The following VPS54 variants were observed in gnomAD, a reference collection of about 807,000 sequenced individuals.
VPS54 encodes vacuolar protein sorting-associated protein 54.
Under a neutral mutation model 121.5 loss-of-function variants are expected in VPS54, and 45 were observed. The observed-to-expected ratio is 0.37, with a 90% CI of 0.29 to 0.47. The LOEUF is 0.47. VPS54 is among the 20% of genes least tolerant of loss of function. VPS54 has a pLI of 0.99. For missense variants in VPS54, 1,090 were observed against 1,131.4 expected (o/e 0.96, Z 0.52); for synonymous variants, 371 against 385.8 (o/e 0.96, Z 0.45).
chr2:63,952,200 T>C (rs1675284901), intron 7 of VPS54, among the ~76,000 whole-genome samples: 1 of 152,182 alleles, frequency 6.6e-6, no homozygotes, highest in Admixed American at 6.5e-5. Flanking sequence ...CTGAAAAATG[T>C]AAGGATGAAG....
At chr2:63,915,325 T>C (rs1270469512) in intron 16 of VPS54, among the ~76,000 whole-genome samples, 3 of 151,990 alleles carry the variant, frequency 2.0e-5, no homozygotes, top group Non-Finnish European at 4.4e-5. Flanking sequence ...TGCTCAGAAA[T>C]AAGATCTACG....
chr2:63,938,535 G>A (rs1212312477), intron 11 of VPS54, among the ~76,000 whole-genome samples: 1 of 151,482 alleles, frequency 6.6e-6, no homozygotes, highest in South Asian at 2.1e-4. Flanking sequence ...CACAATCTTG[G>A]CTCACTGCAA....
chr2:64,000,312 T>G (rs895195049), intron 1 of VPS54, among the ~76,000 whole-genome samples: 2 of 152,268 alleles, frequency 1.3e-5, no homozygotes, highest in African/African-American at 4.8e-5. Flanking sequence ...ATCTTGAATT[T>G]CTCTGAGTTT....
At chr2:63,938,960 C>G (rs1674591687) in intron 11 of VPS54, among the ~76,000 whole-genome samples, 1 of 152,092 alleles carries the variant, frequency 6.6e-6, no homozygotes, top group South Asian at 2.1e-4. Flanking sequence ...TAAAAAAATA[C>G]AAATAACAGC....
At chr2:64,018,221 G>C (rs1486890536) in intron 1 of VPS54, among the ~76,000 whole-genome samples, 1 of 152,016 alleles carries the variant, frequency 6.6e-6, no homozygotes, top group Non-Finnish European at 1.5e-5. Flanking sequence ...CCTCAATAAA[G>C]ACCAAAAAAT....
Position 63,914,171 on chromosome 2 carries a change from G to C in VPS54, c.2334+11C>G. 1 of 1,604,918 alleles carries C rather than the reference G, an allele frequency of 6.2e-7. No individual in the cohort carries two copies. The highest frequency in any genetic ancestry group is 8.5e-7 in the Non-Finnish European group (1 of 1,172,792). On this transcript the variant is annotated intron_variant, in intron 17 of 22. Transcript: ENST00000272322. ...AAAAATTTTTCCATAATGGAGTGAAGTCATACATACCTTCAATAAATCTGA... is the reference window on the plus strand; with the variant it reads ...AAAAATTTTTCCATAATGGAGTGAACTCATACATACCTTCAATAAATCTGA...
At chr2:63,931,143 T>C (rs1674178351) in intron 12 of VPS54, among the ~76,000 whole-genome samples, 3 of 152,102 alleles carry the variant, frequency 2.0e-5, no homozygotes, top group African/African-American at 7.2e-5. Flanking sequence ...CTGACTTTCT[T>C]CACAGAAATG....
intron 9 of VPS54, among the ~76,000 whole-genome samples, chr2:63,945,381 A>T (rs2104517605): frequency 6.6e-6 from 1 of 152,258 alleles, no homozygotes; most frequent in South Asian, 2.1e-4. Flanking sequence ...CACACGGTGG[A>T]GACTATTGGA....
At chr2:63,962,917 A>C (rs1675833830) in intron 6 of VPS54, among the ~76,000 whole-genome samples, 1 of 152,106 alleles carries the variant, frequency 6.6e-6, no homozygotes, top group African/African-American at 2.4e-5. Flanking sequence ...AATTTTTCTA[A>C]TTTTAACAAT....
At chr2:63,971,043 T>C (rs1575973109) in intron 4 of VPS54, among the ~76,000 whole-genome samples, 1 of 152,120 alleles carries the variant, frequency 6.6e-6, no homozygotes, top group Non-Finnish European at 1.5e-5. Flanking sequence ...TCCTCCTATA[T>C]TGCCTCTCTC....
chr2:63,945,098 CT>C (rs1674917425), intron 9 of VPS54, among the ~76,000 whole-genome samples: 2 of 152,156 alleles, frequency 1.3e-5, no homozygotes, highest in Non-Finnish European at 2.9e-5. Context: ...CTTATGTCCA[CT>C]GTAGCACTAT....
intron 20 of VPS54, among the ~76,000 whole-genome samples, chr2:63,909,725 G>GTTT (rs1553470849): frequency 8.7e-6 from 1 of 115,244 alleles, no homozygotes; most frequent in South Asian, 2.9e-4. Context: ...GCCGTTTTTG[G>GTTT]TTTTTTTTTT....
rs1349368624 is a variant in VPS54 at position 63,916,901 on chromosome 2, C to G, written c.2227G>C (p.Gly743Arg). The change falls in exon 16 of 23, where the codon GGA becomes CGA. Residue 743 changes from glycine to arginine, a missense_variant and splice_region_variant. Gly to Arg is a moderately radical substitution (Grantham distance 125). Transcript: ENST00000272322. ...ACTAAAGAAAAATGTGTCACTCACC[C>G]AACAACTGCATACTGTTGTCCCTCG... ...IVEGQQYAVV[G>R]TVLLLIRIIL... The G allele has an allele frequency of 1.9e-6, 3 of 1,613,330 alleles. No homozygotes were observed. The highest frequency in any genetic ancestry group is 2.5e-6 in the Non-Finnish European group (3 of 1,179,464).
intron 11 of VPS54, among the ~76,000 whole-genome samples, chr2:63,941,378 C>G (rs768081758): frequency 6.6e-6 from 1 of 150,540 alleles, no homozygotes; most frequent in Admixed American, 6.6e-5. Flanking sequence ...GTGTGCATCA[C>G]TATGCTTGGC....
At position 63,921,170 on chromosome 2, in the gene VPS54, C is replaced by T. The variant is rs199879552; in HGVS notation, c.1869+36G>A. 3.3e-4 allele frequency: 519 copies of T among 1,553,546 alleles called. 5 individuals are homozygous for T. In the East Asian group the frequency reaches 0.01, roughly 31 times the overall value. On this transcript the variant is annotated intron_variant, in intron 13 of 22. Transcript: ENST00000272322. Reference sequence around the variant, plus strand: ...TAATTCCAGATCTTCAAAATTATTACGTATAAAATATATAAAGCTTTATGA... The same window carrying T: ...TAATTCCAGATCTTCAAAATTATTATGTATAAAATATATAAAGCTTTATGA...
chr2:63,899,807 G>C (rs1357725475), intron 20 of VPS54, among the ~76,000 whole-genome samples: 1 of 152,156 alleles, frequency 6.6e-6, no homozygotes, highest in Non-Finnish European at 1.5e-5. Flanking sequence ...CAGTGACTAA[G>C]AACAAAGCCT....
At chr2:63,938,950 T>C (rs1559006612) in intron 11 of VPS54, among the ~76,000 whole-genome samples, 1 of 152,112 alleles carries the variant, frequency 6.6e-6, no homozygotes, top group South Asian at 2.1e-4. Flanking sequence ...AAATACACAC[T>C]AAAAAAATAC....
At chr2:64,017,937 C>T (rs551944848) in intron 1 of VPS54, among the ~76,000 whole-genome samples, 1 of 152,350 alleles carries the variant, frequency 6.6e-6, no homozygotes, top group East Asian at 1.9e-4. Flanking sequence ...CAAATCCCAT[C>T]ATTCCCTCTG....
At chr2:63,952,062 C>G (rs1225668380) in intron 7 of VPS54, among the ~76,000 whole-genome samples, 1 of 152,164 alleles carries the variant, frequency 6.6e-6, no homozygotes, top group Non-Finnish European at 1.5e-5. Context: ...AGGCCCTGTT[C>G]TGGGTGCAAA....
Sources: gnomAD v4.1 joint callset for allele counts (sites outside exome capture counted in the v4.1 genomes callset) on GRCh38, gnomAD v4.1.1 for gene constraint, MANE v1.5 for transcripts, NCBI Gene and HGNC (gene_info 2026-07-23, HGNC 2026-07-21) for gene names.